The following PRKCA variants were observed in gnomAD, a reference collection of about 807,000 sequenced individuals.
PRKCA encodes protein kinase C alpha.
PRKCA carries 27 observed loss-of-function variants against 87.0 expected under a neutral mutation model. The ratio of observed to expected loss-of-function variants is 0.31; its 90% CI spans 0.23 to 0.43. The LOEUF is 0.43. Among genes scored for constraint, PRKCA ranks in the 20% least tolerant of loss-of-function variants. The pLI, the probability that PRKCA is intolerant of heterozygous loss-of-function variation, is 1.00. For synonymous variants in PRKCA, 329 were observed against 311.1 expected (o/e 1.06, Z -0.61); for missense variants, 518 against 852.3 (o/e 0.61, Z 4.88).
intron 3 of PRKCA, among the ~76,000 whole-genome samples, chr17:66,609,586 G>C (rs1231191932): frequency 6.6e-6 from 1 of 152,056 alleles, no homozygotes; most frequent in African/African-American, 2.4e-5. Flanking sequence ...GATTTTGTCA[G>C]GCAGCTGGCC....
rs1279676889 is a variant in PRKCA at position 66,805,103 on chromosome 17, C to T, written c.*1066C>T. On this transcript the variant is annotated 3_prime_UTR_variant, in exon 17 of 17. Coordinates refer to ENST00000413366, the MANE Select transcript of PRKCA (RefSeq NM_002737.3). ...CTCTACCGATTGATTTTCCTCCCTT[C>T]TCTAGCCCTGGATGTCCACTTAGGG... 2.0e-6 allele frequency: 2 copies of T among 984,054 alleles called. No individual in the cohort carries two copies. Among genetic ancestry groups the T allele is most frequent in the Non-Finnish European group, 2.4e-6 (2 of 828,796 alleles). 61.0% of individuals were successfully genotyped at this position (984,054 alleles called of 1,614,324 possible). A position where few individuals can be genotyped will look rare whatever the true frequency, so the allele number is the denominator to read the frequency against.
rs1321624374 is a variant in PRKCA, at chr17:66,752,816, G to GAA, written c.1524+10056_1524+10057insAA. Among the ~76,000 whole-genome samples the GAA allele has an allele frequency of 3.3e-5, 5 of 152,208 alleles. No homozygotes were observed. The East Asian group carries it at 9.7e-4, about 29-fold the overall frequency. On this transcript the variant is annotated intron_variant, in intron 13 of 16. Coordinates refer to ENST00000413366, the MANE Select transcript of PRKCA (RefSeq NM_002737.3). The stretch of plus-strand genomic sequence containing the variant: ...TCACTGAGCTTCTTGACATGGTGCT[G>GAA]GCTACTAAAAGGCCAAAAACAGAAG...
chr17:66,324,418 A>G (rs1905854710), intron 2 of PRKCA, among the ~76,000 whole-genome samples: 1 of 144,596 alleles, frequency 6.9e-6, no homozygotes, highest in Non-Finnish European at 1.5e-5. Flanking sequence ...CCTGGCCAAC[A>G]TGGTGAAACC....
chr17:66,666,725 G>C (rs993151629), intron 5 of PRKCA, among the ~76,000 whole-genome samples: 1 of 152,076 alleles, frequency 6.6e-6, no homozygotes, highest in Non-Finnish European at 1.5e-5. Flanking sequence ...CCCAAAATCT[G>C]ACTCTTTGTC....
intron 2 of PRKCA, among the ~76,000 whole-genome samples, chr17:66,493,118 A>G (rs556399295): frequency 8.3e-4 from 126 of 152,214 alleles, no homozygotes; most frequent in Non-Finnish European, 1.4e-3. Flanking sequence ...ATATTTTTAC[A>G]GTGACATGGT....
In PRKCA at chr17:66,645,444, T is replaced by A; in HGVS notation, c.462T>A (p.Asp154Glu). The A allele has an allele frequency of 6.2e-7, 1 of 1,614,176 alleles. No homozygotes were observed. Among genetic ancestry groups the A allele is most frequent in the Non-Finnish European group, 8.5e-7 (1 of 1,180,038 alleles). The change falls in exon 5 of 17, where the codon GAT becomes GAA. Residue 154 changes from aspartate to glutamate, a missense_variant. Coordinates refer to ENST00000413366, the MANE Select transcript of PRKCA (RefSeq NM_002737.3). ...ATGTCCCCAGCCTCTGCGGAATGGA[T>A]CACACTGAGAAGAGGGGGCGGATTT... ...VINVPSLCGM[D>E]HTEKRGRIYL...
At chr17:66,698,739 T>G (rs1972988621) in intron 8 of PRKCA, among the ~76,000 whole-genome samples, 1 of 149,646 alleles carries the variant, frequency 6.7e-6, no homozygotes, top group Non-Finnish European at 1.5e-5. Flanking sequence ...TTGGGGAGAC[T>G]GAGGCAGGTG....
chr17:66,687,218 A>G lies in PRKCA; in HGVS notation c.637A>G (p.Lys213Glu). ...CAAGAATGAAAGCAAGCAAAAAACC[A>G]AAACCATCCGCTCCACACTAAATCC... ...DPKNESKQKT[K>E]TIRSTLNPQW... Residue 213 changes from lysine (K) to glutamate (E), a missense_variant, in exon 6 of 17, where the codon AAA becomes GAA. Coordinates refer to ENST00000413366, the MANE Select transcript of PRKCA (RefSeq NM_002737.3). 6.2e-7 allele frequency: 1 copy of G among 1,614,182 alleles called. No individual in the cohort carries two copies. The highest frequency in any genetic ancestry group is 8.5e-7 in the Non-Finnish European group (1 of 1,180,024).
chr17:66,761,730 C>CT lies in PRKCA; in HGVS notation c.1525-12247dup, dbSNP rs575284655. Among the ~76,000 whole-genome samples the CT allele has an allele frequency of 5.7e-4, 84 of 148,478 alleles. 1 individual carries two copies. The South Asian group carries it at 9.1e-3, about 16-fold the overall frequency. On this transcript the variant is annotated intron_variant, in intron 13 of 16. Transcript: ENST00000413366. ...TGAGCCACTGTGCCCGGCCAGTTTT[C>CT]TTTTTTTTTTATATAATGCACTTTG...
chr17:66,466,707 C>T (rs1037397768), intron 2 of PRKCA, among the ~76,000 whole-genome samples: 3 of 151,988 alleles, frequency 2.0e-5, no homozygotes, highest in African/African-American at 7.3e-5. Flanking sequence ...TGCACAAAAA[C>T]TTGAAACTTC....
intron 2 of PRKCA, among the ~76,000 whole-genome samples, chr17:66,356,116 C>T (rs534301176): frequency 6.6e-6 from 1 of 152,220 alleles, no homozygotes; most frequent in Admixed American, 6.5e-5. Flanking sequence ...CCAAGCTGGT[C>T]TCAAACTCCT....
rs1186851215 is a variant in PRKCA at position 66,418,633 on chromosome 17, C to T, written c.206-77568C>T. On this transcript the variant is annotated intron_variant, in intron 2 of 16. Coordinates refer to ENST00000413366, the MANE Select transcript of PRKCA (RefSeq NM_002737.3). Reference sequence around the variant, plus strand: ...TGTATTTTTAGTAGAGACGGGGTTTCACCATATTGGCCAGGGTGGCCTCGA... The same window carrying T: ...TGTATTTTTAGTAGAGACGGGGTTTTACCATATTGGCCAGGGTGGCCTCGA... Among the ~76,000 whole-genome samples the T allele has an allele frequency of 3.9e-5, 6 of 152,148 alleles. No individual in the cohort carries two copies. In the South Asian group the frequency reaches 1.2e-3, roughly 32 times the overall value.
At chr17:66,465,431 G>A (rs1434483569) in intron 2 of PRKCA, among the ~76,000 whole-genome samples, 1 of 151,938 alleles carries the variant, frequency 6.6e-6, no homozygotes, top group Non-Finnish European at 1.5e-5. Flanking sequence ...TTACTCTCTT[G>A]CCCAGACTGG....
At chr17:66,398,166 T>C (rs960045727) in intron 2 of PRKCA, 2 of 152,176 alleles carry the variant, frequency 1.3e-5, no homozygotes, top group East Asian at 1.9e-4. Flanking sequence ...AGGCTGGGAA[T>C]TGAATGGACT....
intron 3 of PRKCA, among the ~76,000 whole-genome samples, chr17:66,613,842 G>A (rs1352695004): frequency 1.6e-5 from 2 of 128,844 alleles, no homozygotes; most frequent in East Asian, 2.4e-4. Flanking sequence ...AGCTGTAGTG[G>A]CACGATCTCT....
chr17:66,375,694 G>A (rs747614965), intron 2 of PRKCA, among the ~76,000 whole-genome samples: 57 of 152,260 alleles, frequency 3.7e-4, no homozygotes, highest in Middle Eastern at 3.4e-3. Context: ...CTTTAGGCTT[G>A]TTTTACACTT....
In PRKCA at chr17:66,738,523, T is replaced by C. The variant is rs574194738; in HGVS notation, c.1231-241T>C. 9.8e-5 allele frequency among the ~76,000 whole-genome samples: 15 copies of C among 152,344 alleles called. No individual in the cohort carries two copies. In the East Asian group the frequency reaches 2.9e-3, roughly 29 times the overall value. ...ATAGCATATGTAACAGGAAGGCACG[T>C]TGATGGAGAGCCATTATTTCAGGGT... is the stretch of plus-strand genomic sequence containing the variant. On this transcript the variant is annotated intron_variant, in intron 10 of 16. Transcript: ENST00000413366.
At chr17:66,642,420 C>T (rs541150235) in intron 4 of PRKCA, among the ~76,000 whole-genome samples, 15 of 152,198 alleles carry the variant, frequency 9.9e-5, no homozygotes, top group South Asian at 2.1e-4. Flanking sequence ...TGAGTCACCG[C>T]GCCCAACCTG....
chr17:66,542,996 A>G (rs752315687), intron 3 of PRKCA, among the ~76,000 whole-genome samples: 3 of 152,224 alleles, frequency 2.0e-5, no homozygotes, highest in Non-Finnish European at 4.4e-5. Flanking sequence ...TGTTTCATCT[A>G]TAGGCATCCA....
Sources: gnomAD v4.1 joint callset for allele counts (sites outside exome capture counted in the v4.1 genomes callset) on GRCh38, gnomAD v4.1.1 for gene constraint, MANE v1.5 for transcripts, NCBI Gene and HGNC (gene_info 2026-07-23, HGNC 2026-07-21) for gene names.